The following TANGO6 variants were observed in gnomAD, a reference collection of about 807,000 sequenced individuals.
TANGO6 encodes the protein transport and Golgi organization protein 6 homolog.
Under a neutral mutation model 114.2 loss-of-function variants are expected in TANGO6, and 90 were observed. That is an observed-to-expected ratio of 0.79 (90% CI 0.66 to 0.94). TANGO6 has a LOEUF of 0.94. Among genes scored for constraint, TANGO6 ranks in the 40% least tolerant of loss-of-function variants. TANGO6 has a pLI of 0.00. For synonymous variants in TANGO6, 477 were observed against 509.8 expected (o/e 0.94, Z 0.87); for missense variants, 1,274 against 1,315.3 (o/e 0.97, Z 0.49).
In TANGO6 at chr16:69,039,665, C is replaced by T. The variant is rs116450880; in HGVS notation, c.2995-643C>T. On this transcript the variant is annotated intron_variant, in intron 16 of 17. Transcript: ENST00000261778. ...AAAACAAAACAAAACAGAAAAAATA[C>T]GTAAAGTAATTGAGCACAGAAAGTC... Among the ~76,000 whole-genome samples the T allele has an allele frequency of 1.7e-3, 246 of 147,328 alleles. 1 individual carries two copies. The highest frequency in any genetic ancestry group is 5.7e-3 in the African/African-American group (231 of 40,288).
chr16:68,899,862 A>T (rs1962760014), intron 7 of TANGO6, among the ~76,000 whole-genome samples: 1 of 152,108 alleles, frequency 6.6e-6, no homozygotes, highest in South Asian at 2.1e-4. Flanking sequence ...ACCTCCAAAA[A>T]TTCTGGGATT....
intron 7 of TANGO6, among the ~76,000 whole-genome samples, chr16:68,884,519 G>A (rs1313004720): frequency 2.6e-5 from 4 of 152,172 alleles, no homozygotes; most frequent in African/African-American, 9.7e-5. Flanking sequence ...TTAGCGAACA[G>A]TGGCCTACTA....
At chr16:69,012,882 G>C (rs972098388) in intron 15 of TANGO6, among the ~76,000 whole-genome samples, 4 of 152,088 alleles carry the variant, frequency 2.6e-5, no homozygotes, top group Non-Finnish European at 5.9e-5. Context: ...GAGTCAATGG[G>C]AACATCTCAT....
chr16:68,910,667 A>G (rs187281711), intron 11 of TANGO6, among the ~76,000 whole-genome samples: 22 of 152,222 alleles, frequency 1.4e-4, no homozygotes, highest in Admixed American at 1.4e-3. Flanking sequence ...TAATATTGGT[A>G]TATTGTTTTG....
chr16:69,023,001 C>T, intron 16 of TANGO6, 22 bp downstream of exon 16: 2 of 1,544,494 alleles, frequency 1.3e-6, no homozygotes, highest in Non-Finnish European at 1.7e-6. Flanking sequence ...TGATTCCTTT[C>T]TCTAAAGCGT....
At chr16:68,980,511 C>T (rs1429316952) in intron 15 of TANGO6, among the ~76,000 whole-genome samples, 1 of 148,188 alleles carries the variant, frequency 6.7e-6, no homozygotes, top group Non-Finnish European at 1.5e-5. Flanking sequence ...TCAAGCAGTC[C>T]TCCTGCCTTA....
At position 68,919,230 on chromosome 16, in the gene TANGO6, G is replaced by C; in HGVS notation, c.2127+11G>C. The C allele has an allele frequency of 6.2e-7, 1 of 1,611,590 alleles. No homozygotes were observed. The highest frequency in any genetic ancestry group is 8.5e-7 in the Non-Finnish European group (1 of 1,179,106). ...GGAGGAGCTGTTCAGGTGAGTTGTA[G>C]ACATGAGGCAAGCTTGAATGGAGGG... is the stretch of plus-strand genomic sequence containing the variant. On this transcript the variant is annotated intron_variant, in intron 12 of 17. Transcript: ENST00000261778.
rs947563266 is a variant in TANGO6, at chr16:68,855,383, A to G, written c.95-4501A>G. ...GATCACCTGAGCTCAGGAGTTTGAG[A>G]CCAGCCTGGGCAACATGGTGAAACC... On this transcript the variant is annotated intron_variant, in intron 1 of 17. Transcript: ENST00000261778. Among the ~76,000 whole-genome samples, 4 of 151,444 alleles carry G rather than the reference A, an allele frequency of 2.6e-5. No homozygotes were observed. The South Asian group carries it at 8.3e-4, about 32-fold the overall frequency.
chr16:68,925,755 A>G (rs1234589012), intron 12 of TANGO6, among the ~76,000 whole-genome samples: 2 of 152,052 alleles, frequency 1.3e-5, no homozygotes, highest in Non-Finnish European at 2.9e-5. Context: ...TTTGACAGTT[A>G]GGTTTATGAT....
chr16:69,053,657 A>T (rs1057008419), intron 17 of TANGO6, among the ~76,000 whole-genome samples: 1 of 152,172 alleles, frequency 6.6e-6, no homozygotes, highest in African/African-American at 2.4e-5. Flanking sequence ...ACAGGTACTT[A>T]TTTATGGACT....
At chr16:68,916,176 CA>C (rs1963001779) in intron 11 of TANGO6, among the ~76,000 whole-genome samples, 1 of 152,228 alleles carries the variant, frequency 6.6e-6, no homozygotes, top group South Asian at 2.1e-4. Context: ...GACTCTAGAT[CA>C]GGGGTCTCCA....
intron 14 of TANGO6, chr16:68,972,955 T>C (rs752325767): frequency 1.6e-5 from 5 of 311,596 alleles, no homozygotes; most frequent in Non-Finnish European, 3.2e-5. Flanking sequence ...TACTGGAGAA[T>C]AGCAAGGAGG....
chr16:68,942,084 C>T (rs1963360220), intron 14 of TANGO6, among the ~76,000 whole-genome samples: 1 of 152,150 alleles, frequency 6.6e-6, no homozygotes, highest in Non-Finnish European at 1.5e-5. Flanking sequence ...AATCCCAGCA[C>T]TTTGAGAGGC....
intron 1 of TANGO6, among the ~76,000 whole-genome samples, chr16:68,849,572 G>A (rs1961868071): frequency 6.6e-6 from 1 of 151,508 alleles, no homozygotes; most frequent in African/African-American, 2.4e-5. Context: ...AGATAGGAGG[G>A]TCAGCTGAGC....
intron 4 of TANGO6, among the ~76,000 whole-genome samples, chr16:68,871,938 GT>G (rs1426323489): frequency 6.6e-6 from 1 of 151,970 alleles, no homozygotes; most frequent in Non-Finnish European, 1.5e-5. Flanking sequence ...ATTTTTAATA[GT>G]TGTCTTAATG....
At chr16:68,886,963 A>G (rs1237040182) in intron 7 of TANGO6, among the ~76,000 whole-genome samples, 2 of 151,330 alleles carry the variant, frequency 1.3e-5, no homozygotes, top group East Asian at 3.9e-4. Context: ...GCCAGCCACC[A>G]CACCCAGCTA....
intron 7 of TANGO6, among the ~76,000 whole-genome samples, chr16:68,899,393 G>C (rs1369493358): frequency 6.6e-6 from 1 of 152,064 alleles, no homozygotes; most frequent in Non-Finnish European, 1.5e-5. Flanking sequence ...TGAGCCCAGT[G>C]AGTGTTCAGT....
At chr16:68,938,379 G>A (rs537221848) in intron 14 of TANGO6, among the ~76,000 whole-genome samples, 1 of 152,336 alleles carries the variant, frequency 6.6e-6, no homozygotes, top group Non-Finnish European at 1.5e-5. Flanking sequence ...TGGGTAAAAT[G>A]AGTCTTAGAG....
intron 17 of TANGO6, among the ~76,000 whole-genome samples, chr16:69,081,539 C>T (rs1331345621): frequency 6.6e-6 from 1 of 151,898 alleles, no homozygotes; most frequent in Non-Finnish European, 1.5e-5. Context: ...TGGGGTTTCA[C>T]CTTGTTGGCC....
Sources: allele counts gnomAD v4.1 joint callset (sites outside exome capture counted in the v4.1 genomes callset), GRCh38; gene constraint gnomAD v4.1.1; transcripts MANE v1.5; gene names NCBI Gene and HGNC (gene_info 2026-07-23, HGNC 2026-07-21).